SLCO1C1: variants seen among roughly 807,000 people sequenced by gnomAD.
SLCO1C1 encodes the protein solute carrier organic anion transporter family member 1C1.
In SLCO1C1, 70 loss-of-function variants were observed where a neutral mutation model predicts 76.4. The observed-to-expected ratio is 0.92, with a 90% confidence interval of 0.76 to 1.12. SLCO1C1 has a LOEUF of 1.12. SLCO1C1 is among the 50% of genes most tolerant of loss of function. The pLI is 0.00. For missense variants in SLCO1C1, 912 were observed against 823.8 expected (o/e 1.11, Z -1.31); for synonymous variants, 306 against 286.1 (o/e 1.07, Z -0.70).
intron 7 of SLCO1C1, among the ~76,000 whole-genome samples, chr12:20,717,774 T>G (rs1001378366): frequency 3.4e-5 from 5 of 148,630 alleles, no homozygotes; most frequent in African/African-American, 1.2e-4. Context: ...ACGTTGCTTG[T>G]GTAGGAAATA....
At chr12:20,711,765 T>C (rs897212761) in intron 5 of SLCO1C1, among the ~76,000 whole-genome samples, 2 of 152,176 alleles carry the variant, frequency 1.3e-5, no homozygotes, top group African/African-American at 4.8e-5. Flanking sequence ...TCAAAGCTTC[T>C]GAATAAGTGG....
intron 13 of SLCO1C1, among the ~76,000 whole-genome samples, 194 bp from the exon 14 acceptor site, chr12:20,750,481 C>A (rs1003432729): frequency 6.6e-5 from 10 of 152,156 alleles, no homozygotes; most frequent in African/African-American, 2.4e-4. Flanking sequence ...AAATAAATGG[C>A]AGTTACTGCA....
chr12:20,736,920 G>T (rs1208265265), intron 10 of SLCO1C1, among the ~76,000 whole-genome samples, 187 bp from the exon 11 acceptor site: 2 of 152,162 alleles, frequency 1.3e-5, no homozygotes, highest in African/African-American at 4.8e-5. Context: ...ACTTTCAAGA[G>T]AAAGCTGTTT....
At chr12:20,704,132 T>C (rs1205041481) in intron 3 of SLCO1C1, among the ~76,000 whole-genome samples, 1 of 151,596 alleles carries the variant, frequency 6.6e-6, no homozygotes, top group African/African-American at 2.4e-5. Flanking sequence ...CAATTTCATT[T>C]TTTAAAGATT....
chr12:20,740,339 T>C lies in SLCO1C1; in HGVS notation c.1704T>C (p.Gly568=). 6.2e-7 allele frequency: 1 copy of C among 1,613,580 alleles called. No homozygotes were observed. Among genetic ancestry groups the C allele is most frequent in the Non-Finnish European group, 8.5e-7 (1 of 1,179,774 alleles). ...SVITSYTLSL[G]GIPGYILLLR... ...TCACATCCTATACTTTATCCCTAGG[T>C]GGCATACCTGGATACATATTACTTC... is the stretch of plus-strand genomic sequence containing the variant. The change falls in exon 12 of 15, where the codon GGT becomes GGC. Residue 568 remains glycine (G), a synonymous_variant. Transcript: ENST00000266509.
chr12:20,723,547 T>C (rs1292187161), intron 9 of SLCO1C1, among the ~76,000 whole-genome samples: 4 of 152,136 alleles, frequency 2.6e-5, no homozygotes, highest in Admixed American at 2.6e-4. Flanking sequence ...CTCAAAACAG[T>C]GGCCATTTTA....
intron 11 of SLCO1C1, among the ~76,000 whole-genome samples, chr12:20,739,410 A>T (rs896617513): frequency 2.0e-5 from 3 of 148,404 alleles, no homozygotes; most frequent in African/African-American, 4.9e-5. Context: ...TTTTTTTTTT[A>T]AATGGATAGT....
chr12:20,708,858 G>A (rs1372475243), intron 4 of SLCO1C1, among the ~76,000 whole-genome samples: 1 of 152,160 alleles, frequency 6.6e-6, no homozygotes, highest in Non-Finnish European at 1.5e-5. Flanking sequence ...AGTGGCCCTG[G>A]GGTTGGTTCT....
intron 11 of SLCO1C1, 75 bp from the exon 12 acceptor site, chr12:20,740,109 C>T: frequency 7.2e-7 from 1 of 1,394,616 alleles, no homozygotes; most frequent in Non-Finnish European, 9.8e-7. Flanking sequence ...CTACGGTAAA[C>T]ATTTTTAACA....
At chr12:20,740,446 G>A (rs1948751376) in intron 12 of SLCO1C1, 78 bp downstream of exon 12, 3 of 1,331,930 alleles carry the variant, frequency 2.3e-6, no homozygotes, top group Admixed American at 4.7e-5. Flanking sequence ...TTTTTTCTGT[G>A]GAGTCTATGA....
At chr12:20,699,780 G>A in intron 2 of SLCO1C1, 75 bp downstream of exon 2, 3 of 1,370,282 alleles carry the variant, frequency 2.2e-6, no homozygotes, top group East Asian at 2.7e-5. Flanking sequence ...AATGAAGTTA[G>A]AATGAGAATT....
At chr12:20,717,107 T>C in intron 6 of SLCO1C1, 25 bp from the exon 7 acceptor site, 1 of 1,529,754 alleles carries the variant, frequency 6.5e-7, no homozygotes. Flanking sequence ...AGCTTTTTTT[T>C]TTTCCTTTTC....
At chr12:20,734,719 T>C (rs1470192666) in intron 10 of SLCO1C1, among the ~76,000 whole-genome samples, 2 of 152,182 alleles carry the variant, frequency 1.3e-5, no homozygotes, top group Non-Finnish European at 2.9e-5. Flanking sequence ...TTAAAAGTAT[T>C]CCTACATAAT....
chr12:20,752,590 T>C lies in SLCO1C1; in HGVS notation c.*62T>C. 2.2e-6 allele frequency: 3 copies of C among 1,341,856 alleles called. No individual in the cohort carries two copies. Among genetic ancestry groups the C allele is most frequent in the South Asian group, 3.2e-5 (2 of 63,106 alleles). 83.1% of individuals were successfully genotyped at this position (1,341,856 alleles called of 1,614,324 possible). On this transcript the variant is annotated 3_prime_UTR_variant, in exon 15 of 15. Transcript: ENST00000266509. ...TGACATTTTGCAAACAAATAAATTGTAATCAAAAGAGCTCTAAATTTGTAA... is the reference window on the plus strand; with the variant it reads ...TGACATTTTGCAAACAAATAAATTGCAATCAAAAGAGCTCTAAATTTGTAA...
chr12:20,710,103 C>G (rs1458064070), intron 4 of SLCO1C1, among the ~76,000 whole-genome samples: 4 of 148,130 alleles, frequency 2.7e-5, no homozygotes, highest in Non-Finnish European at 5.9e-5. Context: ...GCAGATTGCA[C>G]AAAACAGATT....
intron 7 of SLCO1C1, among the ~76,000 whole-genome samples, chr12:20,720,341 A>G (rs942935089): frequency 1.1e-4 from 17 of 152,232 alleles, no homozygotes; most frequent in African/African-American, 4.1e-4. Flanking sequence ...CCATGGATCA[A>G]GGAGTAATTT....
chr12:20,732,834 T>C (rs1948352455), intron 9 of SLCO1C1, 75 bp from the exon 10 acceptor site: 2 of 1,475,380 alleles, frequency 1.4e-6, no homozygotes, highest in East Asian at 2.3e-5. Context: ...CAAAATAGTC[T>C]TTAGAAAGTT....
At chr12:20,708,320 G>GTA (rs748496978) in intron 4 of SLCO1C1, among the ~76,000 whole-genome samples, 15 of 151,750 alleles carry the variant, frequency 9.9e-5, no homozygotes, top group Admixed American at 2.0e-4. Context: ...TGTGATATAT[G>GTA]TATATATATA....
At position 20,732,346 on chromosome 12, in the gene SLCO1C1, T is replaced by C. The variant is rs116736795; in HGVS notation, c.1187-563T>C. 7.5e-3 allele frequency among the ~76,000 whole-genome samples: 1,146 copies of C among 152,186 alleles called. 11 individuals carry two copies. Among genetic ancestry groups the C allele is most frequent in the African/African-American group, 0.025 (1,024 of 41,524 alleles). ...CTAATAATATGCCTGCTCTTAAGGT[T>C]GTGGGGAAAATTCAGTGTGATAATA... On this transcript the variant is annotated intron_variant, in intron 9 of 14. Transcript: ENST00000266509.
Sources: gnomAD v4.1 joint callset for allele counts (sites outside exome capture counted in the v4.1 genomes callset) on GRCh38, gnomAD v4.1.1 for gene constraint, MANE v1.5 for transcripts, NCBI Gene and HGNC (gene_info 2026-07-23, HGNC 2026-07-21) for gene names.